Variants in BICRAL observed in about 807,000 individuals in gnomAD.
BICRAL encodes BRD4-interacting chromatin-remodeling complex-associated protein-like.
A neutral mutation model predicts 91.8 loss-of-function variants in BICRAL; 8 were observed. That is an observed-to-expected ratio of 0.09 (90% CI 0.05 to 0.16). The LOEUF is 0.16. Among genes scored for constraint, BICRAL ranks in the 10% least tolerant of loss-of-function variants. BICRAL has a pLI of 1.00. For synonymous variants in BICRAL, 445 were observed against 491.1 expected (o/e 0.91, Z 1.24); for missense variants, 1,038 against 1,310.9 (o/e 0.79, Z 3.21).
At chr6:42,794,814 A>T (rs1245772105) in intron 1 of BICRAL, among the ~76,000 whole-genome samples, 2 of 145,166 alleles carry the variant, frequency 1.4e-5, no homozygotes, top group Non-Finnish European at 3.1e-5. Context: ...AAAAAAAAAT[A>T]GCCGGGCGTG....
In BICRAL at chr6:42,829,988, G is replaced by A. The variant is rs376512564; in HGVS notation, c.1655G>A (p.Ser552Asn). 4 of 1,614,090 alleles carry A rather than the reference G, an allele frequency of 2.5e-6. No individual in the cohort carries two copies. The highest frequency in any genetic ancestry group is 2.7e-5 in the African/African-American group (2 of 74,952). ...AGCTCAGCCAGCACTGCCCATCCTA[G>A]TCTTGGGTCTGCAGTTCAGTCTGGT... is the stretch of plus-strand genomic sequence containing the variant. The part of the protein sequence containing the change: ...AVSSASTAHP[S>N]LGSAVQSGSS... Residue 552 changes from serine (S) to asparagine (N), a missense_variant, in exon 6 of 13, where the codon AGT (serine) becomes AAT (asparagine). This residue lies in a region of BICRAL where 532 missense variants were observed against 724.9 expected (regional missense o/e 0.73). Coordinates refer to ENST00000314073, the MANE Select transcript of BICRAL (RefSeq NM_001393499.1).
At chr6:42,838,976 G>T (rs1393134188) in intron 6 of BICRAL, among the ~76,000 whole-genome samples, 4 of 150,236 alleles carry the variant, frequency 2.7e-5, no homozygotes, top group African/African-American at 9.8e-5. Flanking sequence ...AATAAATAAC[G>T]GATTACCTAG....
chr6:42,759,360 T>C (rs1777935456), intron 1 of BICRAL, among the ~76,000 whole-genome samples: 1 of 152,208 alleles, frequency 6.6e-6, no homozygotes, highest in Admixed American at 6.5e-5. Context: ...AAAGGATCAG[T>C]CTGGATGCTC....
At chr6:42,768,790 C>A (rs1762676498) in intron 1 of BICRAL, among the ~76,000 whole-genome samples, 1 of 152,156 alleles carries the variant, frequency 6.6e-6, no homozygotes. Flanking sequence ...GCCCCCTAGG[C>A]TTTCTAGCCT....
intron 1 of BICRAL, among the ~76,000 whole-genome samples, chr6:42,763,011 C>T (rs1479456625): frequency 6.6e-6 from 1 of 152,078 alleles, no homozygotes; most frequent in Admixed American, 6.6e-5. Context: ...TTTATTCTTA[C>T]TGATAGAGCT....
At chr6:42,771,684 T>G (rs1173204932) in intron 1 of BICRAL, among the ~76,000 whole-genome samples, 1 of 152,176 alleles carries the variant, frequency 6.6e-6, no homozygotes, top group Non-Finnish European at 1.5e-5. Context: ...AGAGAATAAT[T>G]AACACCTTGG....
chr6:42,862,407 T>C (rs1165891553), intron 11 of BICRAL, 103 bp from the exon 12 acceptor site: 2 of 771,264 alleles, frequency 2.6e-6, no homozygotes, highest in Non-Finnish European at 4.6e-6. Flanking sequence ...TCACATGCCC[T>C]GTAGTATCTT....
chr6:42,854,361 T>G lies in BICRAL; in HGVS notation c.2046+623T>G, dbSNP rs183677963. Among the ~76,000 whole-genome samples the G allele has an allele frequency of 3.3e-5, 5 of 152,206 alleles. No individual in the cohort carries two copies. In the East Asian group the frequency reaches 9.6e-4, roughly 29 times the overall value. ...CAATGCCCAGCTGTTTTTTTGTATT[T>G]TTTGTAGAGATAGGATTTTGCCATG... is the stretch of plus-strand genomic sequence containing the variant. On this transcript the variant is annotated intron_variant, in intron 8 of 12. Transcript: ENST00000314073.
intron 1 of BICRAL, among the ~76,000 whole-genome samples, chr6:42,806,059 A>T (rs1209350329): frequency 6.6e-6 from 1 of 152,070 alleles, no homozygotes; most frequent in Non-Finnish European, 1.5e-5. Context: ...GAGTAAAAAA[A>T]GATTGATACT....
intron 1 of BICRAL, among the ~76,000 whole-genome samples, chr6:42,755,979 AC>A (rs1049597100): frequency 1.3e-4 from 20 of 151,666 alleles, no homozygotes; most frequent in African/African-American, 2.4e-4. Flanking sequence ...CGGCCCAGTC[AC>A]CTCTTTCTTC....
At chr6:42,859,698 G>C (rs111648374) in intron 10 of BICRAL, among the ~76,000 whole-genome samples, 2 of 151,988 alleles carry the variant, frequency 1.3e-5, no homozygotes, top group Admixed American at 1.3e-4. Flanking sequence ...CTGGAGTGCA[G>C]TGGCACGATC....
At chr6:42,783,718 C>T (rs374191638) in intron 1 of BICRAL, among the ~76,000 whole-genome samples, 2 of 152,196 alleles carry the variant, frequency 1.3e-5, no homozygotes, top group Non-Finnish European at 2.9e-5. Flanking sequence ...CCAGCTTCTT[C>T]CTCCTAACCA....
At chr6:42,863,580 C>T (rs1055661059) in intron 12 of BICRAL, among the ~76,000 whole-genome samples, 1 of 152,214 alleles carries the variant, frequency 6.6e-6, no homozygotes. Flanking sequence ...GTATGTAAGA[C>T]AGATAGGTTT....
chr6:42,819,036 C>T (rs1202521323), intron 2 of BICRAL, among the ~76,000 whole-genome samples: 1 of 152,140 alleles, frequency 6.6e-6, no homozygotes, highest in Non-Finnish European at 1.5e-5. Flanking sequence ...AGACGTCTTG[C>T]TCATGTCTGT....
chr6:42,827,440 T>C (rs1355969826), intron 5 of BICRAL, among the ~76,000 whole-genome samples: 1 of 152,256 alleles, frequency 6.6e-6, no homozygotes, highest in Non-Finnish European at 1.5e-5. Context: ...AAGTAGATAC[T>C]TGGCCTATCC....
At position 42,865,627 on chromosome 6, in the gene BICRAL, TGTC is replaced by T. The variant is rs1207537661; in HGVS notation, c.*184_*186del. The T allele has an allele frequency of 1.2e-5, 7 of 577,012 alleles. No individual in the cohort carries two copies. The highest frequency in any genetic ancestry group is 3.2e-5 in the Admixed American group (1 of 30,838). 35.7% of individuals were successfully genotyped at this position (577,012 alleles called of 1,614,324 possible). ...CTGTTCTTTGTTTAAGAGCAATACT[TGTC>T]GTGATTACAGGGAGATCCTTTAGTA... On this transcript the variant is annotated 3_prime_UTR_variant, in exon 13 of 13. Coordinates refer to ENST00000314073, the MANE Select transcript of BICRAL (RefSeq NM_001393499.1).
chr6:42,844,466 G>A (rs919611887), intron 6 of BICRAL, among the ~76,000 whole-genome samples: 2 of 125,514 alleles, frequency 1.6e-5, no homozygotes, highest in South Asian at 2.8e-4. Flanking sequence ...CCGAGATCGC[G>A]CCACTGCACT....
At position 42,865,479 on chromosome 6, in the gene BICRAL, AC is replaced by A; in HGVS notation, c.*37del. The A allele has an allele frequency of 8.1e-7, 1 of 1,237,446 alleles. No individual in the cohort carries two copies. Among genetic ancestry groups the A allele is most frequent in the Non-Finnish European group, 1.1e-6 (1 of 879,556 alleles). The allele number at this position is 1,237,446 out of a possible 1,614,324, so 76.7% of individuals were successfully genotyped here. ...AGTCCTCCCCCTACCCCGCCCCGAG[AC>A]CCCACCCCGAGACCCCACCCCGGAC... On this transcript the variant is annotated 3_prime_UTR_variant, in exon 13 of 13. Transcript: ENST00000314073.
chr6:42,749,486 G>C (rs1029269306), intron 1 of BICRAL, among the ~76,000 whole-genome samples: 1 of 152,148 alleles, frequency 6.6e-6, no homozygotes, highest in African/African-American at 2.4e-5. Context: ...AGCCTAATTC[G>C]AGTTAACAAT....
Sources: allele counts gnomAD v4.1 joint callset (sites outside exome capture counted in the v4.1 genomes callset), GRCh38; gene constraint gnomAD v4.1.1; regional missense constraint gnomAD v4.1.1; transcripts MANE v1.5; gene names NCBI Gene and HGNC (gene_info 2026-07-23, HGNC 2026-07-21).